Variants in GCC2 observed in about 807,000 individuals in gnomAD.
The protein encoded by GCC2 is GRIP and coiled-coil domain-containing protein 2.
GCC2 carries 120 observed loss-of-function variants against 210.6 expected under a neutral mutation model. That is an observed-to-expected ratio of 0.57 (90% confidence interval 0.49 to 0.66). The LOEUF is 0.66. Ranked by LOEUF, GCC2 falls within the 30% of genes least tolerant of loss-of-function variation. The pLI, the probability that GCC2 is intolerant of heterozygous loss-of-function variation, is 0.00. For missense variants in GCC2, 1,868 were observed against 1,871.9 expected (o/e 1.00, Z 0.04); for synonymous variants, 703 against 652.7 (o/e 1.08, Z -1.17).
intron 18 of GCC2, among the ~76,000 whole-genome samples, chr2:108,492,251 T>C (rs1318396056): frequency 6.6e-6 from 1 of 152,120 alleles, no homozygotes; most frequent in Non-Finnish European, 1.5e-5. Context: ...ATTAAAAGTA[T>C]AATTATTTTA....
chr2:108,474,263 G>C (rs1487665214), intron 7 of GCC2, among the ~76,000 whole-genome samples: 1 of 152,166 alleles, frequency 6.6e-6, no homozygotes, highest in Non-Finnish European at 1.5e-5. Flanking sequence ...AGAGAAGATA[G>C]AGACAACACA....
chr2:108,501,612 A>T (rs974468893), intron 22 of GCC2, among the ~76,000 whole-genome samples: 1 of 152,022 alleles, frequency 6.6e-6, no homozygotes, highest in Admixed American at 6.6e-5. Flanking sequence ...GTAAACCCTA[A>T]TAACTAAACT....
chr2:108,480,651 C>T (rs978069140), intron 9 of GCC2, among the ~76,000 whole-genome samples: 4 of 152,120 alleles, frequency 2.6e-5, no homozygotes, highest in South Asian at 2.1e-4. Flanking sequence ...AATGGAGGAA[C>T]GGAAAACTAA....
chr2:108,486,880 C>T (rs543733826), intron 16 of GCC2, among the ~76,000 whole-genome samples: 34 of 152,292 alleles, frequency 2.2e-4, no homozygotes, highest in Non-Finnish European at 3.8e-4. Flanking sequence ...TCCATTTCAA[C>T]CTTGTTTTGC....
At chr2:108,477,472 A>G (rs1438871333) in intron 9 of GCC2, among the ~76,000 whole-genome samples, 1 of 152,224 alleles carries the variant, frequency 6.6e-6, no homozygotes, top group Non-Finnish European at 1.5e-5. Context: ...TCAGGGTCAC[A>G]GAACAAGTAA....
In GCC2 at chr2:108,454,712, G is replaced by C. The variant is rs558283494; in HGVS notation, c.216+2246G>C. 2.0e-5 allele frequency among the ~76,000 whole-genome samples: 3 copies of C among 152,228 alleles called. No individual in the cohort carries two copies. In the East Asian group the frequency reaches 5.8e-4, roughly 29 times the overall value. ...AATTCTTTCTCTATGATTCAGTTTT[G>C]TCATCTGTAGAACAGCGATAATAAT... On this transcript the variant is annotated intron_variant, in intron 4 of 22. Transcript: ENST00000309863.
intron 4 of GCC2, among the ~76,000 whole-genome samples, chr2:108,454,894 G>GCC (rs1680168352): frequency 6.7e-6 from 1 of 149,680 alleles, no homozygotes; most frequent in South Asian, 2.2e-4. Context: ...TATTTCTGGG[G>GCC]GATTTTTTTT....
chr2:108,471,178 T>C lies in GCC2; in HGVS notation c.1849T>C (p.Cys617Arg), dbSNP rs778431070. 1 of 1,601,224 alleles carries C rather than the reference T, an allele frequency of 6.2e-7. No homozygotes were observed. Among genetic ancestry groups the C allele is most frequent in the Non-Finnish European group, 8.5e-7 (1 of 1,173,036 alleles). The change falls in exon 6 of 23, where the codon TGT (cysteine) becomes CGT (arginine). Residue 617 changes from cysteine (C) to arginine (R), a missense_variant. Cys to Arg is a radical substitution (Grantham distance 180). Around this residue, in one of 3 missense-constraint regions of GCC2, gnomAD observed 1,847 missense variants for 1,765.2 expected, o/e 1.05. Transcript: ENST00000309863. ...HEEMDNFHKKCEREERLILEL... is the reference protein window; with the variant it reads ...HEEMDNFHKKREREERLILEL... ...AGAAATGGATAATTTCCATAAGAAA[T>C]GTGAAAGGGAAGAAAGATTGATTCT...
At chr2:108,493,187 T>G in intron 19 of GCC2, 2 of 255,504 alleles carry the variant, frequency 7.8e-6, no homozygotes, top group Non-Finnish European at 1.5e-5. Context: ...CCTCCCGAGT[T>G]CAGGCCATTT....
At chr2:108,487,897 ATGAT>A in intron 17 of GCC2, 77 bp downstream of exon 17, 1 of 865,458 alleles carries the variant, frequency 1.2e-6, no homozygotes. Flanking sequence ...AAATCCTATT[ATGAT>A]TTTTTTTTTT....
intron 22 of GCC2, 143 bp from the exon 23 acceptor site, chr2:108,507,417 A>AG: frequency 4.6e-6 from 1 of 216,550 alleles, no homozygotes; most frequent in South Asian, 4.5e-5. Context: ...CCCCCCCCCC[A>AG]AAAAAAAGGC....
Position 108,482,704 on chromosome 2 carries a change from T to G in GCC2, c.3345+253T>G, listed in dbSNP as rs550941901. Among the ~76,000 whole-genome samples the G allele has an allele frequency of 2.6e-3, 399 of 152,256 alleles. 1 individual carries two copies. Among genetic ancestry groups the G allele is most frequent in the African/African-American group, 9.3e-3 (387 of 41,570 alleles). On this transcript the variant is annotated intron_variant, in intron 11 of 22. Coordinates refer to ENST00000309863, the MANE Select transcript of GCC2 (RefSeq NM_181453.4). Reference sequence around the variant, plus strand: ...TTTATTTTATTTTTTTGAGACGGAGTCTCGCTCTGTTGCCCAGGCTGGAGT... The same window carrying G: ...TTTATTTTATTTTTTTGAGACGGAGGCTCGCTCTGTTGCCCAGGCTGGAGT...
intron 4 of GCC2, among the ~76,000 whole-genome samples, chr2:108,466,561 C>T (rs377321972): frequency 5.3e-5 from 8 of 152,044 alleles, no homozygotes; most frequent in African/African-American, 1.9e-4. Context: ...CAAGCTCCAT[C>T]TCCCGGGTTC....
In GCC2 at chr2:108,487,713, T is replaced by C. The variant is rs1407752377; in HGVS notation, c.3945T>C (p.Thr1315=). The C allele has an allele frequency of 6.2e-7, 1 of 1,613,356 alleles. No homozygotes were observed. The highest frequency in any genetic ancestry group is 8.5e-7 in the Non-Finnish European group (1 of 1,179,482). The change falls in exon 17 of 23, where the codon ACT becomes ACC. Residue 1315 remains threonine (T), a synonymous_variant. Transcript: ENST00000309863. ...AAATGTTATAGGCAGAACAAGCTACTGTAACCTCTGAATTCGAGAGCTACA... is the reference window on the plus strand; with the variant it reads ...AAATGTTATAGGCAGAACAAGCTACCGTAACCTCTGAATTCGAGAGCTACA... ...ECRAAKAEQA[T]VTSEFESYKV... is the part of the protein sequence containing the mutation.
chr2:108,486,002 C>T, intron 15 of GCC2, 94 bp downstream of exon 15: 4 of 593,112 alleles, frequency 6.7e-6, no homozygotes, highest in Non-Finnish European at 1.2e-5. Flanking sequence ...ATAACGATAT[C>T]TAGAAAGATT....
chr2:108,491,780 TA>T (rs200082649), intron 18 of GCC2, among the ~76,000 whole-genome samples: 2,158 of 150,844 alleles, frequency 0.014, 17 homozygotes, highest in Non-Finnish European at 0.019. Context: ...TTTATTTATT[TA>T]TTTATTTTTT....
At position 108,471,364 on chromosome 2, in the gene GCC2, G is replaced by A; in HGVS notation, c.2035G>A (p.Asp679Asn). The A allele has an allele frequency of 6.2e-7, 1 of 1,609,880 alleles. No homozygotes were observed. Among genetic ancestry groups the A allele is most frequent in the Non-Finnish European group, 8.5e-7 (1 of 1,178,968 alleles). ...GGTTCAAATGAAAGTTCTCTCTGAA[G>A]ACAAAGAAGTATTGTCAGCTGAAGT... ...LMVQMKVLSE[D>N]KEVLSAEVKS... is the part of the protein sequence containing the mutation. Residue 679 changes from aspartate to asparagine, a missense_variant, in exon 6 of 23, where the codon GAC (aspartate) becomes AAC (asparagine). Around this residue, in one of 3 missense-constraint regions of GCC2, gnomAD observed 1,847 missense variants for 1,765.2 expected, o/e 1.05. Transcript: ENST00000309863.
chr2:108,487,657 C>G (rs764948180), intron 16 of GCC2, 42 bp from the exon 17 acceptor site: 3 of 1,556,186 alleles, frequency 1.9e-6, no homozygotes, highest in Middle Eastern at 1.7e-4. Flanking sequence ...TAGAAGGACC[C>G]TGTTACAGTA....
In GCC2 at chr2:108,452,384, T is replaced by G; in HGVS notation, c.149-15T>G. 1 of 1,384,444 alleles carries G rather than the reference T, an allele frequency of 7.2e-7. No homozygotes were observed. Among genetic ancestry groups the G allele is most frequent in the Non-Finnish European group, 1.0e-6 (1 of 973,380 alleles). 85.8% of individuals were successfully genotyped at this position (1,384,444 alleles called of 1,614,324 possible). On this transcript the variant is annotated splice_polypyrimidine_tract_variant and intron_variant, in intron 3 of 22. Coordinates refer to ENST00000309863, the MANE Select transcript of GCC2 (RefSeq NM_181453.4). ...TTATTTCTGAACCGGAGTCCTTTAT[T>G]TTTTAATTGTTTAGAATTGGAGAAA...
Sources: gnomAD v4.1 joint callset for allele counts (sites outside exome capture counted in the v4.1 genomes callset) on GRCh38, gnomAD v4.1.1 for gene constraint, gnomAD v4.1.1 regional missense constraint, MANE v1.5 for transcripts, NCBI Gene and HGNC (gene_info 2026-07-23, HGNC 2026-07-21) for gene names.